The following LRRC20 variants were observed in gnomAD, a reference collection of about 807,000 sequenced individuals.
LRRC20 encodes leucine rich repeat containing 20.
Under a neutral mutation model 14.4 loss-of-function variants are expected in LRRC20, and 11 were observed. The ratio of observed to expected loss-of-function variants is 0.77; its 90% CI spans 0.48 to 1.27. LRRC20 has a LOEUF of 1.27. LRRC20 is among the 50% of genes most tolerant of loss of function. LRRC20 has a pLI of 0.00. For missense variants in LRRC20, 219 were observed against 251.2 expected (o/e 0.87, Z 0.87); for synonymous variants, 121 against 107.3 (o/e 1.13, Z -0.79).
At chr10:70,311,052 T>C (rs749876682) in intron 4 of LRRC20, among the ~76,000 whole-genome samples, 2 of 152,194 alleles carry the variant, frequency 1.3e-5, no homozygotes, top group Non-Finnish European at 2.9e-5. Context: ...TATTTCCAAA[T>C]GGCCTCCCAG....
intron 1 of LRRC20, among the ~76,000 whole-genome samples, chr10:70,380,931 G>C (rs1844679262): frequency 6.6e-6 from 1 of 152,226 alleles, no homozygotes; most frequent in Non-Finnish European, 1.5e-5. Context: ...AGGCCTAGGG[G>C]GGCATGAAGG....
At chr10:70,358,526 A>G (rs776709457) in intron 2 of LRRC20, among the ~76,000 whole-genome samples, 1 of 152,218 alleles carries the variant, frequency 6.6e-6, no homozygotes, top group African/African-American at 2.4e-5. Flanking sequence ...TCACAGATGC[A>G]TGACTGATGG....
intron 2 of LRRC20, among the ~76,000 whole-genome samples, chr10:70,373,355 G>T (rs1022391258): frequency 7.9e-5 from 12 of 152,210 alleles, no homozygotes; most frequent in Admixed American, 7.2e-4. Context: ...TGGAGCCTGT[G>T]TGTCACTGTT....
chr10:70,301,349 G>A lies in LRRC20; in HGVS notation c.*5C>T. On this transcript the variant is annotated 3_prime_UTR_variant, in exon 5 of 5. Transcript: ENST00000446961. ...CCCTTGCTGGGTGGGCATGAGGAGG[G>A]TGGCCTAAGGTAGGGGGGCTCTTGC... The A allele has an allele frequency of 6.2e-7, 1 of 1,611,156 alleles. No individual in the cohort carries two copies. The highest frequency in any genetic ancestry group is 1.1e-5 in the South Asian group (1 of 90,830).
chr10:70,308,859 G>C (rs1482353067), intron 4 of LRRC20, among the ~76,000 whole-genome samples: 1 of 152,212 alleles, frequency 6.6e-6, no homozygotes, highest in Non-Finnish European at 1.5e-5. Context: ...TTTCTCTGGA[G>C]CTCATGTGGG....
intron 3 of LRRC20, among the ~76,000 whole-genome samples, chr10:70,328,257 TTGTAACTGAA>T (rs1480794155): frequency 2.0e-5 from 3 of 151,236 alleles, no homozygotes; most frequent in East Asian, 3.9e-4. Flanking sequence ...ATGCTCAGCC[TTGTAACTGAA>T]TGTAAAAAGG....
At chr10:70,343,573 CAA>C (rs371611832) in intron 2 of LRRC20, among the ~76,000 whole-genome samples, 3 of 152,150 alleles carry the variant, frequency 2.0e-5, no homozygotes, top group African/African-American at 7.2e-5. Context: ...AACAAGCTCC[CAA>C]AAGTCAGGCT....
chr10:70,326,297 T>TACACACACAC (rs3998644), intron 3 of LRRC20, among the ~76,000 whole-genome samples: 5,801 of 140,386 alleles, frequency 0.041, 208 homozygotes, highest in African/African-American at 0.084. Context: ...CGCCTCTGTG[T>TACACACACAC]ACACACACAC....
At chr10:70,372,414 T>A (rs1022531033) in intron 2 of LRRC20, among the ~76,000 whole-genome samples, 1 of 151,580 alleles carries the variant, frequency 6.6e-6, no homozygotes, top group African/African-American at 2.4e-5. Context: ...CAGTTCACGT[T>A]ATATATGAGA....
chr10:70,340,225 G>A (rs549875003), intron 3 of LRRC20, among the ~76,000 whole-genome samples: 70 of 152,204 alleles, frequency 4.6e-4, no homozygotes, highest in Admixed American at 1.8e-3. Flanking sequence ...GTGAGAAGGG[G>A]GCTCATTCAA....
At chr10:70,349,090 G>A (rs1843187290) in intron 2 of LRRC20, among the ~76,000 whole-genome samples, 1 of 152,232 alleles carries the variant, frequency 6.6e-6, no homozygotes, top group African/African-American at 2.4e-5. Context: ...AGAGCTGTGG[G>A]ATGTCATCGA....
intron 2 of LRRC20, among the ~76,000 whole-genome samples, chr10:70,348,198 G>A (rs1287107395): frequency 2.0e-5 from 3 of 152,132 alleles, no homozygotes; most frequent in Non-Finnish European, 4.4e-5. Flanking sequence ...GGCAATCCAG[G>A]AGTTCCACAG....
chr10:70,353,723 G>C (rs1399985106), intron 2 of LRRC20, among the ~76,000 whole-genome samples: 2 of 152,204 alleles, frequency 1.3e-5, no homozygotes, highest in Non-Finnish European at 2.9e-5. Context: ...CACAGAGCCA[G>C]GAGTCTTGGT....
chr10:70,368,002 G>GTTATGTTATGTTATGCTATGTT (rs1279721419), intron 2 of LRRC20, among the ~76,000 whole-genome samples: 1 of 149,632 alleles, frequency 6.7e-6, no homozygotes, highest in African/African-American at 2.5e-5. Flanking sequence ...GTTATTTTTT[G>GTTATGTTATGTTATGCTATGTT]AGATGGAGTC....
At chr10:70,323,686 C>A (rs1318990687) in intron 4 of LRRC20, among the ~76,000 whole-genome samples, 177 bp downstream of exon 4, 2 of 152,190 alleles carry the variant, frequency 1.3e-5, no homozygotes, top group Non-Finnish European at 2.9e-5. Flanking sequence ...CACCCAGCAC[C>A]CGGTAGGCAA....
chr10:70,354,851 G>A (rs1010692856), intron 2 of LRRC20, among the ~76,000 whole-genome samples: 11 of 152,136 alleles, frequency 7.2e-5, no homozygotes, highest in African/African-American at 2.4e-4. Context: ...CGTGACCCTC[G>A]GTGTGGAGGC....
rs116795421 is a variant in LRRC20, at chr10:70,375,682, C to T, written c.82+770G>A. 4.1e-3 allele frequency among the ~76,000 whole-genome samples: 629 copies of T among 152,316 alleles called. 3 individuals carry two copies. Among genetic ancestry groups the T allele is most frequent in the African/African-American group, 0.013 (554 of 41,576 alleles). ...TCATCCCCAAGGCAGGACTGTGCTC[C>T]AGGCCTCTACAGTGGTGCCTGCATT... On this transcript the variant is annotated intron_variant, in intron 2 of 4. Transcript: ENST00000446961.
chr10:70,320,250 T>C (rs1052344447), intron 4 of LRRC20, among the ~76,000 whole-genome samples: 6 of 152,034 alleles, frequency 3.9e-5, no homozygotes, highest in African/African-American at 1.5e-4. Context: ...CAATATTTTT[T>C]CGTCATGACT....
At chr10:70,333,690 G>A (rs1211540111) in intron 3 of LRRC20, among the ~76,000 whole-genome samples, 2 of 152,234 alleles carry the variant, frequency 1.3e-5, no homozygotes, top group Non-Finnish European at 2.9e-5. Flanking sequence ...CTTGAGGACT[G>A]ATGGCAAAAA....
Sources: allele counts gnomAD v4.1 joint callset (sites outside exome capture counted in the v4.1 genomes callset), GRCh38; gene constraint gnomAD v4.1.1; transcripts MANE v1.5; gene names NCBI Gene and HGNC (gene_info 2026-07-23, HGNC 2026-07-21).